TBL1XR1: variants seen among roughly 807,000 people sequenced by gnomAD.
TBL1XR1 encodes the protein F-box-like/WD repeat-containing protein TBL1XR1.
Under a neutral mutation model 66.9 loss-of-function variants are expected in TBL1XR1, and 5 were observed. The ratio of observed to expected loss-of-function variants is 0.07; its 90% confidence interval spans 0.04 to 0.16. The LOEUF is 0.16. Among genes scored for constraint, TBL1XR1 ranks in the 10% least tolerant of loss-of-function variants. TBL1XR1 has a pLI of 1.00. For synonymous variants in TBL1XR1, 210 were observed against 206.0 expected (o/e 1.02, Z -0.17); for missense variants, 238 against 623.2 (o/e 0.38, Z 6.58).
At chr3:177,153,108 C>A (rs1731088022) in intron 1 of TBL1XR1, among the ~76,000 whole-genome samples, 1 of 152,054 alleles carries the variant, frequency 6.6e-6, no homozygotes, top group South Asian at 2.1e-4. Flanking sequence ...GCACTCTAGC[C>A]TGGGCAACAG....
At chr3:177,199,049 C>G (rs1272786701), upstream of TBL1XR1, among the ~76,000 whole-genome samples, 1 of 152,076 alleles carries the variant, frequency 6.6e-6, no homozygotes, top group Non-Finnish European at 1.5e-5. Flanking sequence ...TCCTGAATGA[C>G]CTAGTGGGGC....
At chr3:177,057,487 A>G (rs1051584451) in intron 3 of TBL1XR1, among the ~76,000 whole-genome samples, 4 of 152,182 alleles carry the variant, frequency 2.6e-5, no homozygotes, top group African/African-American at 9.6e-5. Flanking sequence ...TTAGAATGCA[A>G]TTATACTATA....
At chr3:177,074,691 C>G (rs1174175476) in intron 2 of TBL1XR1, among the ~76,000 whole-genome samples, 2 of 152,162 alleles carry the variant, frequency 1.3e-5, no homozygotes, top group African/African-American at 4.8e-5. Context: ...CTCACCGCCA[C>G]CAAGTATATT....
Position 177,130,158 on chromosome 3 carries a change from AG to A in TBL1XR1, c.-121-31618del, listed in dbSNP as rs75663187. ...AGACTCCATCTCAAAAAAAAAAAAAAGAAAGAAAGAAAAAGAATAAATAAAT... is the reference window on the plus strand; with the variant it reads ...AGACTCCATCTCAAAAAAAAAAAAAAAAAGAAAGAAAAAGAATAAATAAAT... On this transcript the variant is annotated intron_variant, in intron 1 of 15. Coordinates refer to ENST00000457928, the MANE Select transcript of TBL1XR1 (RefSeq NM_024665.7). Among the ~76,000 whole-genome samples the A allele has an allele frequency of 5.6e-4, 81 of 145,750 alleles. 13 individuals are homozygous for A. Among genetic ancestry groups the A allele is most frequent in the African/African-American group, 1.4e-3 (53 of 39,248 alleles).
upstream of TBL1XR1, among the ~76,000 whole-genome samples, chr3:177,199,451 C>T (rs1357952959): frequency 2.0e-5 from 3 of 151,062 alleles, no homozygotes; most frequent in Admixed American, 6.6e-5. Flanking sequence ...AGTAAACTAT[C>T]TCGGTGGAGC....
intron 1 of TBL1XR1, among the ~76,000 whole-genome samples, chr3:177,173,134 C>A (rs1425432982): frequency 1.3e-5 from 2 of 152,184 alleles, no homozygotes; most frequent in Non-Finnish European, 2.9e-5. Flanking sequence ...CTGCAGTGAG[C>A]CGAGATCGTG....
chr3:177,038,000 A>C, intron 12 of TBL1XR1, 98 bp downstream of exon 12: 1 of 1,004,146 alleles, frequency 1.0e-6, no homozygotes, highest in South Asian at 1.6e-5. Flanking sequence ...AGGTACAAAC[A>C]CTCCATGTAA....
intron 3 of TBL1XR1, among the ~76,000 whole-genome samples, chr3:177,061,717 G>A (rs1718534348): frequency 6.6e-6 from 1 of 152,144 alleles, no homozygotes; most frequent in South Asian, 2.1e-4. Flanking sequence ...AAGAAACATA[G>A]TTATAACCTA....
intron 14 of TBL1XR1, chr3:177,027,731 A>G (rs1713350065): frequency 6.6e-6 from 1 of 152,214 alleles, no homozygotes; most frequent in South Asian, 2.1e-4. Context: ...TTAGCCCAGT[A>G]ATGTGGCACA....
At chr3:177,169,218 C>T (rs1342354997) in intron 1 of TBL1XR1, among the ~76,000 whole-genome samples, 1 of 152,096 alleles carries the variant, frequency 6.6e-6, no homozygotes, top group African/African-American at 2.4e-5. Context: ...TCCATGGATA[C>T]CAATTTCTTT....
intron 1 of TBL1XR1, among the ~76,000 whole-genome samples, chr3:177,121,613 G>A (rs891219664): frequency 1.7e-4 from 26 of 152,110 alleles, no homozygotes; most frequent in African/African-American, 6.3e-4. Flanking sequence ...ACTCCCTGAG[G>A]GAAAAGGTCT....
chr3:177,098,207 C>T (rs1191297569), intron 2 of TBL1XR1, among the ~76,000 whole-genome samples: 1 of 136,980 alleles, frequency 7.3e-6, no homozygotes, highest in African/African-American at 2.9e-5. Flanking sequence ...AACGAAACTC[C>T]GTCTCAAAAA....
In TBL1XR1 at chr3:177,023,550, ATAT is replaced by A. The variant is rs1355379320; in HGVS notation, c.*1945_*1947del. On this transcript the variant is annotated 3_prime_UTR_variant, in exon 16 of 16. Transcript: ENST00000457928. ...CCTCTCTTGATGTAAATTTTTAAAA[ATAT>A]TATTACAGTATCATAGTCCCCACTA... 6.6e-6 allele frequency: 1 copy of A among 152,550 alleles called. No homozygotes were observed. The highest frequency in any genetic ancestry group is 2.4e-5 in the African/African-American group (1 of 41,454). The allele number at this position is 152,550 out of a possible 1,614,324, so 9.4% of individuals were successfully genotyped here.
intron 1 of TBL1XR1, among the ~76,000 whole-genome samples, chr3:177,187,917 AG>A (rs1175305020): frequency 1.4e-5 from 2 of 147,414 alleles, no homozygotes; most frequent in Admixed American, 6.7e-5. Context: ...AAAAAAAAAA[AG>A]CTTGAGAGTC....
At chr3:177,197,514 G>T, upstream of TBL1XR1, 1 of 151,046 alleles carries the variant, frequency 6.6e-6, no homozygotes, top group Non-Finnish European at 1.5e-5. Context: ...ACTCAACACT[G>T]GGGAGAGAGG....
chr3:177,118,763 A>G (rs571323870), intron 1 of TBL1XR1, among the ~76,000 whole-genome samples: 91 of 152,252 alleles, frequency 6.0e-4, no homozygotes, highest in African/African-American at 1.9e-3. Flanking sequence ...AGACAAAATG[A>G]ATACATTATA....
chr3:177,050,204 A>G, intron 6 of TBL1XR1, 66 bp from the exon 7 acceptor site: 1 of 1,527,050 alleles, frequency 6.5e-7, no homozygotes, highest in Non-Finnish European at 8.9e-7. Context: ...AAGGCAACAT[A>G]TTTACATCTG....
At chr3:177,041,260 T>C (rs1203660140) in intron 10 of TBL1XR1, 1 of 152,460 alleles carries the variant, frequency 6.6e-6, no homozygotes, top group Non-Finnish European at 1.5e-5. Context: ...CTTGCTCTGC[T>C]GCTCTGTATC....
intron 3 of TBL1XR1, 127 bp downstream of exon 3, chr3:177,064,793 C>CA: frequency 1.5e-6 from 1 of 657,414 alleles, no homozygotes; most frequent in South Asian, 2.0e-5. Flanking sequence ...TTTAAAATGG[C>CA]AGTCCAGACA....
Sources: gnomAD v4.1 joint callset for allele counts (sites outside exome capture counted in the v4.1 genomes callset) on GRCh38, gnomAD v4.1.1 for gene constraint, MANE v1.5 for transcripts, NCBI Gene and HGNC (gene_info 2026-07-23, HGNC 2026-07-21) for gene names.